Variants in MERTK observed in about 807,000 individuals in gnomAD.
The protein encoded by MERTK is MER proto-oncogene, tyrosine kinase.
Under a neutral mutation model 99.3 loss-of-function variants are expected in MERTK, and 69 were observed. The ratio of observed to expected loss-of-function variants is 0.70; its 90% confidence interval spans 0.57 to 0.85. The LOEUF (loss-of-function observed/expected upper bound fraction) is 0.85. Among genes scored for constraint, MERTK ranks in the 40% least tolerant of loss-of-function variants. The pLI is 0.00. For missense variants in MERTK, 1,125 were observed against 1,249.4 expected (o/e 0.90, Z 1.50); for synonymous variants, 426 against 467.6 (o/e 0.91, Z 1.15).
At chr2:111,988,976 C>T (rs1413612727) in intron 8 of MERTK, among the ~76,000 whole-genome samples, 6 of 152,102 alleles carry the variant, frequency 3.9e-5, no homozygotes, top group African/African-American at 9.7e-5. Context: ...AGATAATATG[C>T]TCAATTTTCA....
intron 4 of MERTK, among the ~76,000 whole-genome samples, chr2:111,960,498 AAAAG>A (rs771976331): frequency 6.7e-6 from 1 of 149,608 alleles, no homozygotes; most frequent in Non-Finnish European, 1.5e-5. Context: ...AAAAAAAAAA[AAAAG>A]AAAAGAAAAT....
intron 9 of MERTK, 100 bp from the exon 10 acceptor site, chr2:111,997,223 A>G: frequency 7.5e-7 from 1 of 1,339,792 alleles, no homozygotes; most frequent in Non-Finnish European, 1.1e-6. Context: ...TAAAAGATTT[A>G]ACTGAGTTCT....
chr2:111,956,749 C>T (rs138050616), intron 4 of MERTK, among the ~76,000 whole-genome samples: 5 of 150,460 alleles, frequency 3.3e-5, no homozygotes, highest in African/African-American at 9.8e-5. Context: ...AACCTCAAAA[C>T]TCCTGCACTC....
intron 2 of MERTK, among the ~76,000 whole-genome samples, chr2:111,944,758 A>G (rs1684933074): frequency 6.6e-6 from 1 of 152,214 alleles, no homozygotes; most frequent in African/African-American, 2.4e-5. Context: ...GCTGCTTTAA[A>G]TGCTAGTGAC....
chr2:112,022,159 G>C, intron 17 of MERTK, 99 bp from the exon 18 acceptor site: 1 of 1,537,304 alleles, frequency 6.5e-7, no homozygotes, highest in Non-Finnish European at 9.0e-7. Flanking sequence ...CTTTGTGCAT[G>C]ATCATCAGTG....
chr2:111,915,333 G>T (rs1354242834), intron 1 of MERTK, among the ~76,000 whole-genome samples: 2 of 150,080 alleles, frequency 1.3e-5, no homozygotes, highest in African/African-American at 4.9e-5. Flanking sequence ...AGAATTTGTT[G>T]TTTGTTTCAT....
intron 1 of MERTK, among the ~76,000 whole-genome samples, chr2:111,918,675 T>C (rs930822518): frequency 2.0e-5 from 3 of 152,246 alleles, no homozygotes; most frequent in Admixed American, 6.5e-5. Flanking sequence ...CAGTTCCATA[T>C]GTTTGGCATT....
chr2:111,944,533 A>ATACCTTAAAATAATTCC (rs1265922025), intron 2 of MERTK, among the ~76,000 whole-genome samples: 1 of 151,258 alleles, frequency 6.6e-6, no homozygotes, highest in Non-Finnish European at 1.5e-5. Context: ...TTAAGGAATT[A>ATACCTTAAAATAATTCC]GCTCACACAC....
intron 12 of MERTK, among the ~76,000 whole-genome samples, chr2:112,003,680 G>A (rs748639959): frequency 6.6e-6 from 1 of 152,152 alleles, no homozygotes; most frequent in African/African-American, 2.4e-5. Context: ...ATAAAGTGAT[G>A]AGCAAAGGTA....
chr2:111,994,084 C>A (rs1223718917), intron 8 of MERTK, among the ~76,000 whole-genome samples, 167 bp from the exon 9 acceptor site: 1 of 152,238 alleles, frequency 6.6e-6, no homozygotes. Flanking sequence ...CCCTACCTGA[C>A]TTTTGGTTCC....
intron 2 of MERTK, chr2:111,940,685 C>A: frequency 1.3e-6 from 1 of 753,182 alleles, no homozygotes; most frequent in Non-Finnish European, 2.4e-6. Flanking sequence ...ATCAATGGTT[C>A]TGCATTTTTA....
In MERTK at chr2:112,029,068, T is replaced by C. The variant is rs539749985; in HGVS notation, c.*204T>C. ...AAAGAGAAAAAATATGTGTATATCA[T>C]GGAAAAAGACAAGGATATTTTAATA... On this transcript the variant is annotated 3_prime_UTR_variant, in exon 19 of 19. Transcript: ENST00000295408. 4.0e-5 allele frequency: 52 copies of C among 1,298,806 alleles called. No individual in the cohort carries two copies. The African/African-American group carries it at 7.6e-4, about 19-fold the overall frequency. The allele number at this position is 1,298,806 out of a possible 1,614,324, so 80.5% of individuals were successfully genotyped here.
intron 10 of MERTK, 133 bp downstream of exon 10, chr2:111,997,609 G>A: frequency 2.8e-6 from 3 of 1,053,344 alleles, no homozygotes; most frequent in South Asian, 1.3e-5. Context: ...CATACCCTGG[G>A]CTCAGGCAGC....
chr2:112,028,503 G>A lies in MERTK; in HGVS notation c.2639G>A (p.Ser880Asn), dbSNP rs147916288. The part of the protein sequence containing the change: ...VIYVNTQLLE[S>N]SEGLAQGSTL... ...TACGTCAATACACAGTTGCTGGAGA[G>A]CTCTGAGGGCCTGGCCCAGGGCTCC... is the stretch of plus-strand genomic sequence containing the variant. The change falls in exon 19 of 19, where the codon AGC becomes AAC. Residue 880 changes from serine to asparagine, a missense_variant. Physicochemically the swap from Ser to Asn is conservative, Grantham distance 46 (BLOSUM62 1). Transcript: ENST00000295408. 1.9e-6 allele frequency: 3 copies of A among 1,614,102 alleles called. No individual in the cohort carries two copies. The highest frequency in any genetic ancestry group is 2.5e-6 in the Non-Finnish European group (3 of 1,180,062).
chr2:111,948,771 G>A (rs1459464214), intron 4 of MERTK, among the ~76,000 whole-genome samples: 1 of 152,136 alleles, frequency 6.6e-6, no homozygotes, highest in South Asian at 2.1e-4. Context: ...CTTCCTAACT[G>A]GGCCTTTTTG....
intron 13 of MERTK, among the ~76,000 whole-genome samples, chr2:112,008,038 A>G (rs1055321815): frequency 1.3e-5 from 2 of 152,156 alleles, no homozygotes; most frequent in African/African-American, 4.8e-5. Context: ...TGATGAACCC[A>G]TACTGATACA....
chr2:111,964,122 T>G (rs1332570325), intron 4 of MERTK, among the ~76,000 whole-genome samples: 1 of 145,826 alleles, frequency 6.9e-6, no homozygotes, highest in Non-Finnish European at 1.5e-5. Context: ...TGGGGAGTTA[T>G]GCTCCACCTC....
At chr2:111,988,141 G>T (rs139060330) in intron 8 of MERTK, among the ~76,000 whole-genome samples, 1 of 151,976 alleles carries the variant, frequency 6.6e-6, no homozygotes, top group Non-Finnish European at 1.5e-5. Flanking sequence ...CCAAGACCTC[G>T]GCCTCCTAAC....
intron 2 of MERTK, among the ~76,000 whole-genome samples, chr2:111,938,161 C>T (rs532281455): frequency 2.6e-5 from 4 of 152,292 alleles, no homozygotes; most frequent in East Asian, 3.9e-4. Context: ...ATTGCAGCCT[C>T]GACCTCCCAG....
Sources: gnomAD v4.1 joint callset for allele counts (sites outside exome capture counted in the v4.1 genomes callset) on GRCh38, gnomAD v4.1.1 for gene constraint, MANE v1.5 for transcripts, NCBI Gene and HGNC (gene_info 2026-07-23, HGNC 2026-07-21) for gene names.